Variants in TAS1R3 observed in about 807,000 individuals in gnomAD.
TAS1R3 encodes the protein taste 1 receptor member 3.
TAS1R3 carries 58 observed loss-of-function variants against 46.1 expected under a neutral mutation model. The ratio of observed to expected loss-of-function variants is 1.26; its 90% CI spans 1.02 to 1.57. The LOEUF (loss-of-function observed/expected upper bound fraction) is 1.57, where lower values mean the gene tolerates loss of function less well. Among genes scored for constraint, TAS1R3 ranks in the 40% most tolerant of loss-of-function variants. The probability of loss-of-function intolerance (pLI) is 0.00; values close to 1 mark genes in which losing one functional copy is unlikely to be tolerated. For synonymous variants in TAS1R3, 724 were observed against 544.7 expected (o/e 1.33, Z -4.58); for missense variants, 1,422 against 1,185.8 (o/e 1.20, Z -2.93).
intron 2 of TAS1R3, 41 bp downstream of exon 2, chr1:1,331,979 C>G: frequency 6.2e-7 from 1 of 1,600,408 alleles, no homozygotes; most frequent in Non-Finnish European, 8.5e-7. Flanking sequence ...CCCAGCCCTG[C>G]CCGTGGGAGC....
rs777817650 is a variant in TAS1R3, at chr1:1,333,883, G to A, written c.1978G>A (p.Val660Met). 5.5e-5 allele frequency: 88 copies of A among 1,600,366 alleles called. No homozygotes were observed. The highest frequency in any genetic ancestry group is 1.6e-4 in the Middle Eastern group (1 of 6,084). ...CTTCCTGCAGGCGGCCGAGATCTTC[G>A]TGGAGTCAGAACTGCCTCTGAGCTG... ...TLFLQAAEIF[V>M]ESELPLSWAD... Residue 660 changes from valine (V) to methionine (M), a missense_variant, in exon 6 of 6, where the codon GTG (valine) becomes ATG (methionine). Transcript: ENST00000339381.
Position 1,332,059 on chromosome 1 carries a change from C to T in TAS1R3, c.528C>T (p.Ala176=), listed in dbSNP as rs573575751. ...SYGASMELLS[A]RETFPSFFRT... ...GTGCTAGCATGGAGCTGCTGAGCGC[C>T]CGGGAGACCTTCCCCTCCTTCTTCC... The change falls in exon 3 of 6, where the codon GCC becomes GCT. Residue 176 remains alanine, a synonymous_variant. Coordinates refer to ENST00000339381, the MANE Select transcript of TAS1R3 (RefSeq NM_152228.3). The T allele has an allele frequency of 3.7e-6, 6 of 1,605,368 alleles. No homozygotes were observed. The South Asian group carries it at 4.4e-5, about 12-fold the overall frequency.
chr1:1,333,693 C>G lies in TAS1R3; in HGVS notation c.1788C>G (p.Ser596Arg). 4 of 1,611,410 alleles carry G rather than the reference C, an allele frequency of 2.5e-6. No individual in the cohort carries two copies. Among genetic ancestry groups the G allele is most frequent in the Non-Finnish European group, 3.4e-6 (4 of 1,179,696 alleles). ...GGCTGTTCGTTCACCATCGGGACAG[C>G]CCACTGGTTCAGGCCTCGGGGGGGC... is the stretch of plus-strand genomic sequence containing the variant. ...ALGLFVHHRD[S>R]PLVQASGGPL... Residue 596 changes from serine to arginine, a missense_variant, in exon 6 of 6, where the codon AGC (serine) becomes AGG (arginine). By Grantham distance (110) the Ser-to-Arg change is moderately radical. Coordinates refer to ENST00000339381, the MANE Select transcript of TAS1R3 (RefSeq NM_152228.3).
Position 1,332,438 on chromosome 1 carries a change from T to C in TAS1R3, c.907T>C (p.Trp303Arg). The C allele has an allele frequency of 6.2e-7, 1 of 1,608,542 alleles. No individual in the cohort carries two copies. The highest frequency in any genetic ancestry group is 8.5e-7 in the Non-Finnish European group (1 of 1,179,148). Residue 303 changes from tryptophan (W) to arginine (R), a missense_variant, in exon 3 of 6, where the codon TGG becomes CGG. Coordinates refer to ENST00000339381, the MANE Select transcript of TAS1R3 (RefSeq NM_152228.3). ...CAAGGTGTGGGTGGCCAGCGAGGCC[T>C]GGCTGACCTCTGACCTGGTCATGGG... The part of the protein sequence containing the change: ...SPKVWVASEA[W>R]LTSDLVMGLP...
chr1:1,333,546 C>T lies in TAS1R3; in HGVS notation c.1641C>T (p.Ser547=), dbSNP rs1643481624. ...ACTFCGQDEW[S]PERSTRCFRR... ...CCTTTTGTGGCCAGGATGAGTGGTC[C>T]CCGGAGCGAAGCACACGCTGCTTCC... Residue 547 remains serine, a synonymous_variant, in exon 6 of 6, where the codon TCC becomes TCT. Transcript: ENST00000339381. 6.2e-7 allele frequency: 1 copy of T among 1,603,554 alleles called. No individual in the cohort carries two copies. Among genetic ancestry groups the T allele is most frequent in the South Asian group, 1.1e-5 (1 of 91,056 alleles).
rs1557655708 is a variant in TAS1R3, at chr1:1,331,919, GCTT to G, written c.478_480del (p.Phe160del). The G allele has an allele frequency of 6.2e-7, 1 of 1,611,604 alleles. No homozygotes were observed. On this transcript the variant is annotated inframe_deletion, in exon 2 of 6. Transcript: ENST00000339381. The stretch of plus-strand genomic sequence containing the variant: ...GCCATGGTCACCGGCAAGTTCTTCA[GCTT>G]CTTCCTCATGCCCCAGGTGGGCGCC...
At chr1:1,332,003 G>T (rs760028116) in intron 2 of TAS1R3, 21 bp from the exon 3 acceptor site, 3 of 1,610,140 alleles carry the variant, frequency 1.9e-6, no homozygotes, top group Non-Finnish European at 2.5e-6. Flanking sequence ...TGTGTCAGGA[G>T]ATGCCTCTTG....
chr1:1,333,256 C>A lies in TAS1R3; in HGVS notation c.1480-3C>A. On this transcript the variant is annotated splice_region_variant and splice_polypyrimidine_tract_variant and intron_variant, in intron 4 of 5. Transcript: ENST00000339381. ...CAGAGCCAGACCCCAGGCCTGTGCG[C>A]AGAAGCCCGTGTCCCGGTGCTCGCG... The A allele has an allele frequency of 3.1e-6, 5 of 1,598,830 alleles. No homozygotes were observed. The highest frequency in any genetic ancestry group is 4.3e-6 in the Non-Finnish European group (5 of 1,175,018).
At position 1,333,628 on chromosome 1, in the gene TAS1R3, C is replaced by T. The variant is rs748930757; in HGVS notation, c.1723C>T (p.Leu575=). 2.5e-6 allele frequency: 4 copies of T among 1,611,340 alleles called. No individual in the cohort carries two copies. In the Admixed American group the frequency reaches 6.7e-5, roughly 27 times the overall value. Residue 575 remains leucine (L), a synonymous_variant, in exon 6 of 6, where the codon CTG becomes TTG. Coordinates refer to ENST00000339381, the MANE Select transcript of TAS1R3 (RefSeq NM_152228.3). ...GCCGGCTGTGCTGCTGCTGCTCCTG[C>T]TGCTGAGCCTGGCGCTGGGCCTTGT... ...GEPAVLLLLL[L]LSLALGLVLA... is the part of the protein sequence containing the mutation.
chr1:1,333,563 G>C lies in TAS1R3; in HGVS notation c.1658G>C (p.Arg553Pro), dbSNP rs766571808. The C allele has an allele frequency of 6.2e-7, 1 of 1,605,120 alleles. No individual in the cohort carries two copies. Among genetic ancestry groups the C allele is most frequent in the South Asian group, 1.1e-5 (1 of 91,060 alleles). The stretch of plus-strand genomic sequence containing the variant: ...GAGTGGTCCCCGGAGCGAAGCACAC[G>C]CTGCTTCCGCCGCAGGTCTCGGTTC... Reference protein sequence around the residue: ...QDEWSPERSTRCFRRRSRFLA... With the variant: ...QDEWSPERSTPCFRRRSRFLA... The change falls in exon 6 of 6, where the codon CGC becomes CCC. Residue 553 changes from arginine (R) to proline (P), a missense_variant. By Grantham distance (103) the Arg-to-Pro change is moderately radical (BLOSUM62 -2). Coordinates refer to ENST00000339381, the MANE Select transcript of TAS1R3 (RefSeq NM_152228.3).
chr1:1,332,124 C>A lies in TAS1R3; in HGVS notation c.593C>A (p.Ala198Glu). 1 of 1,599,572 alleles carries A rather than the reference C, an allele frequency of 6.3e-7. No homozygotes were observed. Residue 198 changes from alanine to glutamate, a missense_variant, in exon 3 of 6, where the codon GCG becomes GAG. Physicochemically the swap from Ala to Glu is moderately radical, Grantham distance 107. Coordinates refer to ENST00000339381, the MANE Select transcript of TAS1R3 (RefSeq NM_152228.3). ...PSDRVQLTAAAELLQEFGWNW... is the reference protein window; with the variant it reads ...PSDRVQLTAAEELLQEFGWNW... ...GACCGTGTGCAGCTGACGGCCGCCG[C>A]GGAGCTGCTGCAGGAGTTCGGCTGG... is the stretch of plus-strand genomic sequence containing the variant.
chr1:1,331,558 G>A (rs751960209), intron 1 of TAS1R3, 22 bp downstream of exon 1: 1 of 1,598,658 alleles, frequency 6.3e-7, no homozygotes. Flanking sequence ...GGACGGCCTG[G>A]GTCGGGGTCA....
Position 1,332,041 on chromosome 1 carries a change from C to T in TAS1R3, c.510C>T (p.Ser170=). 1.2e-6 allele frequency: 2 copies of T among 1,606,044 alleles called. No homozygotes were observed. Among genetic ancestry groups the T allele is most frequent in the Non-Finnish European group, 1.7e-6 (2 of 1,179,256 alleles). ...FLMPQVSYGA[S]MELLSARETF... ...CCTTGCAGGTCAGCTACGGTGCTAG[C>T]ATGGAGCTGCTGAGCGCCCGGGAGA... The change falls in exon 3 of 6, where the codon AGC becomes AGT. Residue 170 remains serine, a synonymous_variant. Transcript: ENST00000339381.
rs1557656422 is a variant in TAS1R3, at chr1:1,332,497, T to G, written c.966T>G (p.Leu322=). ...GCATGGCCCAGATGGGCACGGTGCT[T>G]GGCTTCCTCCAGAGGGGTGCCCAGC... ...LPGMAQMGTV[L]GFLQRGAQLH... Residue 322 remains leucine, a synonymous_variant, in exon 3 of 6, where the codon CTT becomes CTG. Coordinates refer to ENST00000339381, the MANE Select transcript of TAS1R3 (RefSeq NM_152228.3). 6.2e-7 allele frequency: 1 copy of G among 1,610,964 alleles called. No individual in the cohort carries two copies. Among genetic ancestry groups the G allele is most frequent in the East Asian group, 2.2e-5 (1 of 44,878 alleles).
chr1:1,333,925 G>C lies in TAS1R3; in HGVS notation c.2020G>C (p.Gly674Arg), dbSNP rs1643493493. ...TCTGAGCTGGGCAGACCGGCTGAGTGGCTGCCTGCGGGGGCCCTGGGCCTG... is the reference window on the plus strand; with the variant it reads ...TCTGAGCTGGGCAGACCGGCTGAGTCGCTGCCTGCGGGGGCCCTGGGCCTG... Reference protein sequence around the residue: ...LPLSWADRLSGCLRGPWAWLV... With the variant: ...LPLSWADRLSRCLRGPWAWLV... The change falls in exon 6 of 6, where the codon GGC (glycine) becomes CGC (arginine). Residue 674 changes from glycine to arginine, a missense_variant. Coordinates refer to ENST00000339381, the MANE Select transcript of TAS1R3 (RefSeq NM_152228.3). The C allele has an allele frequency of 6.2e-7, 1 of 1,601,000 alleles. No homozygotes were observed. Among genetic ancestry groups the C allele is most frequent in the Admixed American group, 1.7e-5 (1 of 59,976 alleles).
In TAS1R3 at chr1:1,333,168, CG is replaced by C. The variant is rs769222558; in HGVS notation, c.1479+45del. 7 of 1,594,656 alleles carry C rather than the reference CG, an allele frequency of 4.4e-6. No homozygotes were observed. The East Asian group carries it at 1.6e-4, about 36-fold the overall frequency. On this transcript the variant is annotated intron_variant, in intron 4 of 5. Transcript: ENST00000339381. Reference sequence around the variant, plus strand: ...TGCCAGGCGTGCCCGTGGTAGCCCCCGCGGCAGGGCGCAGCCTGGGGGTGGG... The same window carrying C: ...TGCCAGGCGTGCCCGTGGTAGCCCCCCGGCAGGGCGCAGCCTGGGGGTGGG...
At position 1,331,954 on chromosome 1, in the gene TAS1R3, CATCA is replaced by C; in HGVS notation, c.492+17_492+20del. The stretch of plus-strand genomic sequence containing the variant: ...CATGCCCCAGGTGGGCGCCCCCCAC[CATCA>C]CCCACCCCCACCCAGCCCTGCCCGT... On this transcript the variant is annotated intron_variant, in intron 2 of 5. Coordinates refer to ENST00000339381, the MANE Select transcript of TAS1R3 (RefSeq NM_152228.3). 6.3e-7 allele frequency: 1 copy of C among 1,583,926 alleles called. No homozygotes were observed. Among genetic ancestry groups the C allele is most frequent in the Non-Finnish European group, 8.7e-7 (1 of 1,155,734 alleles).
rs70949571 is a variant in TAS1R3, at chr1:1,334,599, CCA to C, written c.*138_*139del. On this transcript the variant is annotated 3_prime_UTR_variant, in exon 6 of 6. Transcript: ENST00000339381. ...CCCAGGTTGTCTCCTGACCCTGACC[CCA>C]CAGTGAGCCCTAGGCCTGGAGCACG... 9.9e-7 allele frequency: 1 copy of C among 1,009,422 alleles called. No homozygotes were observed. The highest frequency in any genetic ancestry group is 1.4e-6 in the Non-Finnish European group (1 of 711,200). The allele number at this position is 1,009,422 out of a possible 1,614,324, so 62.5% of individuals were successfully genotyped here.
At position 1,333,766 on chromosome 1, in the gene TAS1R3, GTCC is replaced by G. The variant is rs746760628; in HGVS notation, c.1866_1868del (p.Leu623del). 6.3e-7 allele frequency: 1 copy of G among 1,596,084 alleles called. No homozygotes were observed. The highest frequency in any genetic ancestry group is 8.5e-7 in the Non-Finnish European group (1 of 1,174,540). On this transcript the variant is annotated inframe_deletion, in exon 6 of 6. Transcript: ENST00000339381. The stretch of plus-strand genomic sequence containing the variant: ...GTGCCTGGGCCTGGTCTGCCTCAGC[GTCC>G]TCCTGTTCCCTGGCCAGCCCAGCCC...
Sources: gnomAD v4.1 joint callset for allele counts on GRCh38, gnomAD v4.1.1 for gene constraint, MANE v1.5 for transcripts, NCBI Gene and HGNC (gene_info 2026-07-23, HGNC 2026-07-21) for gene names.